The following TMEM17 variants were observed in gnomAD, a reference collection of about 807,000 sequenced individuals.
TMEM17 encodes transmembrane protein 17.
Under a neutral mutation model 19.1 loss-of-function variants are expected in TMEM17, and 15 were observed. That is an observed-to-expected ratio of 0.78 (90% CI 0.52 to 1.21). The LOEUF is 1.21. Among genes scored for constraint, TMEM17 ranks in the 50% most tolerant of loss-of-function variants. TMEM17 has a pLI of 0.00. For synonymous variants in TMEM17, 103 were observed against 86.9 expected, an observed-to-expected ratio of 1.19 and a Z score of -1.03; for missense variants, 245 against 242.3, an observed-to-expected ratio of 1.01 and a Z score of -0.07.
chr2:62,505,572 C>A (rs1308630979), intron 1 of TMEM17, among the ~76,000 whole-genome samples: 1 of 74,312 alleles, frequency 1.3e-5, no homozygotes. Context: ...GGGGTGGGGA[C>A]GGGGGAGGTG....
the TMEM17 span, among the ~76,000 whole-genome samples, chr2:62,454,889 G>A: frequency 6.6e-6 from 1 of 152,116 alleles, no homozygotes; most frequent in Non-Finnish European, 1.5e-5. Flanking sequence ...TATTTTTAAT[G>A]GAGACAGGGT....
chr2:62,483,474 G>A, the TMEM17 span, among the ~76,000 whole-genome samples: 220 of 152,240 alleles, frequency 1.4e-3, 3 homozygotes, highest in Admixed American at 0.011. Context: ...TGCATTCTCC[G>A]TATGGAGGCC....
the TMEM17 span, among the ~76,000 whole-genome samples, chr2:62,473,835 T>G: frequency 6.6e-6 from 1 of 152,252 alleles, no homozygotes; most frequent in Admixed American, 6.5e-5. Flanking sequence ...GCAGAGACTC[T>G]GCTTGCTTTG....
At chr2:62,484,459 T>A in the TMEM17 span, among the ~76,000 whole-genome samples, 1 of 152,248 alleles carries the variant, frequency 6.6e-6, no homozygotes, top group Non-Finnish European at 1.5e-5. Context: ...AGGAGACTGC[T>A]GAGCATTTGA....
downstream of TMEM17, among the ~76,000 whole-genome samples, chr2:62,498,695 G>T (rs1162165142): frequency 1.4e-5 from 2 of 142,170 alleles, no homozygotes; most frequent in Non-Finnish European, 3.0e-5. Flanking sequence ...CAGCCTGGGC[G>T]ACAGAGCGAG....
chr2:62,484,071 T>C, the TMEM17 span, among the ~76,000 whole-genome samples: 1 of 152,232 alleles, frequency 6.6e-6, no homozygotes, highest in Non-Finnish European at 1.5e-5. Context: ...CTAAAGCCAC[T>C]CTTCACCATT....
the TMEM17 span, among the ~76,000 whole-genome samples, chr2:62,470,518 GA>G: frequency 6.6e-6 from 1 of 152,196 alleles, no homozygotes; most frequent in Non-Finnish European, 1.5e-5. Context: ...GTCGATAGAT[GA>G]ACATTTTCAC....
chr2:62,487,370 C>A, the TMEM17 span, among the ~76,000 whole-genome samples: 8 of 152,262 alleles, frequency 5.3e-5, no homozygotes, highest in Non-Finnish European at 1.2e-4. Flanking sequence ...GTGATTGCAT[C>A]GGATAATCCA....
chr2:62,473,875 G>C, the TMEM17 span, among the ~76,000 whole-genome samples: 1 of 152,202 alleles, frequency 6.6e-6, no homozygotes, highest in African/African-American at 2.4e-5. Flanking sequence ...GGAGGAAGTA[G>C]GTCTTCTTGG....
downstream of TMEM17, among the ~76,000 whole-genome samples, chr2:62,496,070 T>A (rs1196335886): frequency 7.1e-6 from 1 of 141,220 alleles, no homozygotes; most frequent in Non-Finnish European, 1.6e-5. Flanking sequence ...CCAGTTCTCC[T>A]TTCACAGCTT....
the TMEM17 span, among the ~76,000 whole-genome samples, chr2:62,459,008 T>C: frequency 6.6e-6 from 1 of 152,266 alleles, no homozygotes; most frequent in Non-Finnish European, 1.5e-5. Flanking sequence ...CGACTTCATA[T>C]GGACATATGT....
the TMEM17 span, among the ~76,000 whole-genome samples, chr2:62,495,002 G>A: frequency 3.3e-5 from 5 of 152,136 alleles, no homozygotes; most frequent in African/African-American, 9.7e-5. Flanking sequence ...GTGACAGAGC[G>A]AGACTCCGTC....
chr2:62,502,345 T>C lies in TMEM17; in HGVS notation c.318+92A>G, dbSNP rs1679950181. 10 of 783,132 alleles carry C rather than the reference T, an allele frequency of 1.3e-5. No individual in the cohort carries two copies. In the East Asian group the frequency reaches 2.7e-4, roughly 21 times the overall value. The allele number at this position is 783,132 out of a possible 1,614,324, so 48.5% of individuals were successfully genotyped here. A position where few individuals can be genotyped will look rare whatever the true frequency, so the allele number is the denominator to read the frequency against. On this transcript the variant is annotated intron_variant, in intron 3 of 3. Coordinates refer to ENST00000335390, the MANE Select transcript of TMEM17 (RefSeq NM_198276.3). ...GAGTCAGGCTTTAAATTCAGGCCTGTGCTCTTTCTGCCACACCTCACTGCC... is the reference window on the plus strand; with the variant it reads ...GAGTCAGGCTTTAAATTCAGGCCTGCGCTCTTTCTGCCACACCTCACTGCC...
chr2:62,489,191 T>C, the TMEM17 span, among the ~76,000 whole-genome samples: 2 of 152,220 alleles, frequency 1.3e-5, no homozygotes, highest in African/African-American at 4.8e-5. Flanking sequence ...TCCAAAGCAC[T>C]GCTGTCTCAA....
the TMEM17 span, among the ~76,000 whole-genome samples, chr2:62,457,364 T>G: frequency 6.6e-6 from 1 of 152,102 alleles, no homozygotes; most frequent in South Asian, 2.1e-4. The surrounding 1 kb of genome is among the most constrained non-coding windows in gnomAD (Gnocchi z 4.2). Flanking sequence ...GCTGGCCGGG[T>G]TTCCTCCCCG....
At chr2:62,455,691 T>C in the TMEM17 span, among the ~76,000 whole-genome samples, 3 of 152,262 alleles carry the variant, frequency 2.0e-5, no homozygotes, top group South Asian at 6.2e-4. Context: ...TGCTTGAACC[T>C]GAAAGGCAGA....
the TMEM17 span, among the ~76,000 whole-genome samples, chr2:62,478,468 A>G: frequency 6.6e-6 from 1 of 152,260 alleles, no homozygotes; most frequent in Non-Finnish European, 1.5e-5. Context: ...AGAAAGGCAC[A>G]TGGCAAGAAA....
the TMEM17 span, among the ~76,000 whole-genome samples, chr2:62,483,084 CTTGCCCAAGG>C: frequency 7.2e-5 from 11 of 152,226 alleles, no homozygotes; most frequent in African/African-American, 2.2e-4. Flanking sequence ...GGTTAAGTGA[CTTGCCCAAGG>C]TTACCCAGCT....
chr2:62,478,118 T>C, the TMEM17 span, among the ~76,000 whole-genome samples: 4 of 152,174 alleles, frequency 2.6e-5, no homozygotes, highest in South Asian at 8.3e-4. Flanking sequence ...TAAATGACTC[T>C]AGTGGTAGCA....
Sources: gnomAD v4.1 joint callset for allele counts (sites outside exome capture counted in the v4.1 genomes callset) on GRCh38, gnomAD v4.1.1 for gene constraint, Gnocchi (gnomAD v3.1) non-coding constraint, MANE v1.5 for transcripts, NCBI Gene and HGNC (gene_info 2026-07-23, HGNC 2026-07-21) for gene names.